KCNIP1: variants seen among roughly 807,000 people sequenced by gnomAD.
KCNIP1 encodes the protein A-type potassium channel modulatory protein KCNIP1.
In KCNIP1, 18 loss-of-function variants were observed where a neutral mutation model predicts 33.0. The observed-to-expected ratio is 0.55, with a 90% confidence interval of 0.38 to 0.81. The LOEUF is 0.81. Among genes scored for constraint, KCNIP1 ranks in the 30% least tolerant of loss-of-function variants. KCNIP1 has a pLI of 0.00. For synonymous variants in KCNIP1, 93 were observed against 98.3 expected, an observed-to-expected ratio of 0.95 and a Z score of 0.32; for missense variants, 238 against 271.6, an observed-to-expected ratio of 0.88 and a Z score of 0.87.
chr5:170,491,297 A>T (rs1326108525), intron 1 of KCNIP1, among the ~76,000 whole-genome samples: 2 of 152,252 alleles, frequency 1.3e-5, no homozygotes, highest in Admixed American at 1.3e-4. Context: ...TGAATGAATG[A>T]ATGCACCACA....
intron 1 of KCNIP1, among the ~76,000 whole-genome samples, chr5:170,557,535 G>A (rs1756882817): frequency 6.6e-6 from 1 of 152,168 alleles, no homozygotes; most frequent in African/African-American, 2.4e-5. Flanking sequence ...CAACCACCCA[G>A]AAATGAATCG....
At chr5:170,614,528 T>G (rs1759294567) in intron 1 of KCNIP1, among the ~76,000 whole-genome samples, 1 of 152,256 alleles carries the variant, frequency 6.6e-6, no homozygotes, top group Admixed American at 6.5e-5. Context: ...ATTCTCTGTT[T>G]ACATACTTTA....
chr5:170,686,115 C>G (rs1005994720), intron 1 of KCNIP1, among the ~76,000 whole-genome samples: 3 of 152,134 alleles, frequency 2.0e-5, no homozygotes, highest in Admixed American at 1.3e-4. Context: ...TCAGAGTGAG[C>G]AGATTCCTAG....
chr5:170,735,909 C>A lies in KCNIP1; in HGVS notation c.*103C>A. On this transcript the variant is annotated 3_prime_UTR_variant, in exon 8 of 8. Coordinates refer to ENST00000328939, the MANE Select transcript of KCNIP1 (RefSeq NM_014592.4). ...TGATTTTACACACCAACTCTTGGGA[C>A]AGAAACACCTTTTACACTTTGGAAG... is the stretch of plus-strand genomic sequence containing the variant. The A allele has an allele frequency of 2.0e-6, 2 of 995,366 alleles. No homozygotes were observed. The highest frequency in any genetic ancestry group is 3.2e-6 in the Non-Finnish European group (2 of 633,300). The allele number at this position is 995,366 out of a possible 1,614,324, so 61.7% of individuals were successfully genotyped here.
chr5:170,499,065 T>C (rs1757363475), upstream of KCNIP1, among the ~76,000 whole-genome samples: 1 of 152,174 alleles, frequency 6.6e-6, no homozygotes, highest in South Asian at 2.1e-4. Flanking sequence ...CTTTGCTTTC[T>C]AAAAGCTCCC....
At chr5:170,522,034 G>C (rs143151402) in intron 1 of KCNIP1, among the ~76,000 whole-genome samples, 1 of 152,304 alleles carries the variant, frequency 6.6e-6, no homozygotes, top group Non-Finnish European at 1.5e-5. Context: ...ACATGATATA[G>C]TATGGAGATC....
At chr5:170,456,701 T>TCTTTCTTTCTTTCTTTCTTTCTTTCTTTC (rs1756385710) in intron 1 of KCNIP1, among the ~76,000 whole-genome samples, 4 of 135,680 alleles carry the variant, frequency 2.9e-5, no homozygotes, top group African/African-American at 1.2e-4. Context: ...CTCTCTCTCT[T>TCTTTCTTTCTTTCTTTCTTTCTTTCTTTC]TTTCTTTCTT....
At chr5:170,467,038 G>A (rs575037187) in intron 1 of KCNIP1, among the ~76,000 whole-genome samples, 54 of 152,282 alleles carry the variant, frequency 3.5e-4, no homozygotes, top group African/African-American at 1.3e-3. Context: ...CTCAAAAGTA[G>A]GCATTGGATG....
At chr5:170,565,410 G>T (rs1331962067) in intron 1 of KCNIP1, among the ~76,000 whole-genome samples, 1 of 152,164 alleles carries the variant, frequency 6.6e-6, no homozygotes, top group Non-Finnish European at 1.5e-5. Flanking sequence ...AGGTACTGCA[G>T]GAAGCTCAGG....
intron 1 of KCNIP1, among the ~76,000 whole-genome samples, chr5:170,598,640 T>C (rs1310771061): frequency 6.6e-6 from 1 of 152,124 alleles, no homozygotes; most frequent in Non-Finnish European, 1.5e-5. Context: ...AGGAGCTGGT[T>C]GCAGAGGAGA....
At chr5:170,601,115 G>A (rs1465889606) in intron 1 of KCNIP1, among the ~76,000 whole-genome samples, 1 of 152,156 alleles carries the variant, frequency 6.6e-6, no homozygotes, top group African/African-American at 2.4e-5. Context: ...CAACACCTGC[G>A]TCGCTTCCCT....
chr5:170,685,135 C>T (rs1230825224), intron 1 of KCNIP1, among the ~76,000 whole-genome samples: 2 of 152,038 alleles, frequency 1.3e-5, no homozygotes, highest in African/African-American at 4.8e-5. Flanking sequence ...CGTGGGTTCC[C>T]AATTTGGCCC....
At chr5:170,697,995 G>C (rs62392772) in intron 1 of KCNIP1, among the ~76,000 whole-genome samples, 1 of 152,106 alleles carries the variant, frequency 6.6e-6, no homozygotes, top group Non-Finnish European at 1.5e-5. Context: ...CAAGCAGAAG[G>C]TCTTCCTAAT....
intron 1 of KCNIP1, among the ~76,000 whole-genome samples, chr5:170,708,525 T>C (rs1213445597): frequency 1.3e-5 from 2 of 152,256 alleles, no homozygotes; most frequent in Non-Finnish European, 2.9e-5. Context: ...CAAGTGTTGA[T>C]ATGTCATATT....
At chr5:170,452,786 AT>A (rs1756286570) in intron 1 of KCNIP1, among the ~76,000 whole-genome samples, 1 of 152,298 alleles carries the variant, frequency 6.6e-6, no homozygotes, top group African/African-American at 2.4e-5. Flanking sequence ...CTATAATTGA[AT>A]TTTCTGAAAA....
chr5:170,477,189 C>T, intron 1 of KCNIP1, among the ~76,000 whole-genome samples: 1 of 151,946 alleles, frequency 6.6e-6, no homozygotes, highest in East Asian at 1.9e-4. Flanking sequence ...GAAATGAAGA[C>T]ATTTCCTATA....
At chr5:170,709,361 A>G (rs778317274) in intron 1 of KCNIP1, among the ~76,000 whole-genome samples, 2 of 152,178 alleles carry the variant, frequency 1.3e-5, no homozygotes, top group Non-Finnish European at 2.9e-5. Context: ...GAATTGTTTT[A>G]TCTTCCTAGC....
chr5:170,412,377 TGCAG>T (rs1372179307), intron 1 of KCNIP1, among the ~76,000 whole-genome samples: 1 of 152,184 alleles, frequency 6.6e-6, no homozygotes, highest in Non-Finnish European at 1.5e-5. Flanking sequence ...GCTTTTTTCC[TGCAG>T]GCAGGAGGCA....
intron 1 of KCNIP1, among the ~76,000 whole-genome samples, chr5:170,582,507 A>C (rs1757833460): frequency 6.6e-6 from 1 of 152,166 alleles, no homozygotes; most frequent in African/African-American, 2.4e-5. Context: ...CTATGTTAGA[A>C]CCTTTCCAGG....
Sources: gnomAD v4.1 joint callset for allele counts (sites outside exome capture counted in the v4.1 genomes callset) on GRCh38, gnomAD v4.1.1 for gene constraint, MANE v1.5 for transcripts, NCBI Gene and HGNC (gene_info 2026-07-23, HGNC 2026-07-21) for gene names.